RMST: variants seen among roughly 807,000 people sequenced by gnomAD.
The protein encoded by RMST is rhabdomyosarcoma 2 associated transcript, also known as long intergenic non-protein coding RNA 54.
At chr12:97,463,411 C>G (rs1288261441) in intron 4 of RMST, 1 of 152,322 alleles carries the variant, frequency 6.6e-6, no homozygotes, top group Non-Finnish European at 1.5e-5. Context: ...CTGTCACTTG[C>G]CTGCAAACCT....
intron 11 of RMST, chr12:97,552,015 G>A (rs1285592962): frequency 2.0e-5 from 3 of 152,106 alleles, no homozygotes; most frequent in South Asian, 2.1e-4. Flanking sequence ...GTAAGAAATC[G>A]CTAAATTATT....
chr12:97,558,312 T>C (rs1043318861), intron 11 of RMST, among the ~76,000 whole-genome samples: 1 of 152,176 alleles, frequency 6.6e-6, no homozygotes, highest in Non-Finnish European at 1.5e-5. Context: ...CGATGGCTTA[T>C]TTATCATCAC....
chr12:97,535,819 G>A (rs1882030111), intron 11 of RMST, among the ~76,000 whole-genome samples: 1 of 151,526 alleles, frequency 6.6e-6, no homozygotes, highest in African/African-American at 2.4e-5. Context: ...TGAGAAGAGG[G>A]AGTTTAGAGT....
chr12:97,488,068 A>C (rs1464368342), intron 5 of RMST, among the ~76,000 whole-genome samples: 1 of 152,202 alleles, frequency 6.6e-6, no homozygotes, highest in Non-Finnish European at 1.5e-5. Flanking sequence ...CTGGAGACTG[A>C]TGATAGCTAT....
chr12:97,508,091 T>A (rs1330487525), intron 10 of RMST, among the ~76,000 whole-genome samples: 1 of 152,082 alleles, frequency 6.6e-6, no homozygotes, highest in Non-Finnish European at 1.5e-5. Context: ...TATGATTACC[T>A]CAGAGAGAGT....
chr12:97,529,358 T>A (rs932237571), intron 10 of RMST, among the ~76,000 whole-genome samples: 1 of 152,098 alleles, frequency 6.6e-6, no homozygotes, highest in Non-Finnish European at 1.5e-5. Context: ...TTAGGATATG[T>A]GTCATGAATT....
chr12:97,530,534 C>T (rs1881534751), intron 10 of RMST: 2 of 152,050 alleles, frequency 1.3e-5, no homozygotes, highest in Non-Finnish European at 2.9e-5. Flanking sequence ...CTAAATGTGA[C>T]AGTCGATGGC....
intron 11 of RMST, among the ~76,000 whole-genome samples, chr12:97,551,542 T>C (rs1883312115): frequency 6.6e-6 from 1 of 152,192 alleles, no homozygotes; most frequent in African/African-American, 2.4e-5. Context: ...CACTCTTCGC[T>C]GAATAAGTGT....
intron 11 of RMST, among the ~76,000 whole-genome samples, chr12:97,539,535 G>T (rs1197402550): frequency 6.6e-6 from 1 of 151,570 alleles, no homozygotes; most frequent in Non-Finnish European, 1.5e-5. Flanking sequence ...GACAAAGGAA[G>T]AAAATTCCTT....
intron 10 of RMST, among the ~76,000 whole-genome samples, chr12:97,518,582 C>T (rs1482971924): frequency 6.6e-6 from 1 of 152,072 alleles, no homozygotes; most frequent in Non-Finnish European, 1.5e-5. Context: ...GGTCTGATAA[C>T]CTGAGTTTTC....
chr12:97,501,342 AT>A (rs1420593630), intron 10 of RMST, among the ~76,000 whole-genome samples: 1 of 152,244 alleles, frequency 6.6e-6, no homozygotes, highest in Non-Finnish European at 1.5e-5. Flanking sequence ...ACCCACAGGA[AT>A]TAAATTAATT....
At chr12:97,517,447 CT>C (rs1565929581) in intron 10 of RMST, among the ~76,000 whole-genome samples, 1 of 151,848 alleles carries the variant, frequency 6.6e-6, no homozygotes, top group Non-Finnish European at 1.5e-5. Context: ...ATCTTCACTT[CT>C]TTTTCCATTC....
chr12:97,491,115 G>A (rs371998345), intron 5 of RMST, among the ~76,000 whole-genome samples: 5 of 152,296 alleles, frequency 3.3e-5, no homozygotes, highest in African/African-American at 1.2e-4. Flanking sequence ...TTTCTTCGAT[G>A]AATCGAAATG....
chr12:97,481,985 T>C (rs2136422642), intron 5 of RMST, among the ~76,000 whole-genome samples: 1 of 152,324 alleles, frequency 6.6e-6, no homozygotes, highest in Non-Finnish European at 1.5e-5. Context: ...TGTAAAGCCA[T>C]TCTATTTTTA....
intron 5 of RMST, among the ~76,000 whole-genome samples, chr12:97,488,034 G>C: frequency 6.6e-6 from 1 of 152,128 alleles, no homozygotes; most frequent in East Asian, 1.9e-4. Flanking sequence ...CTGTCTCTGG[G>C]ACATGCCATC....
intron 5 of RMST, among the ~76,000 whole-genome samples, chr12:97,481,900 T>A (rs1328580532): frequency 6.6e-6 from 1 of 152,168 alleles, no homozygotes; most frequent in Non-Finnish European, 1.5e-5. Flanking sequence ...TCTTTCCACA[T>A]CCATCTCGAA....
intron 5 of RMST, among the ~76,000 whole-genome samples, chr12:97,474,280 G>A (rs571381859): frequency 9.9e-5 from 15 of 152,150 alleles, no homozygotes; most frequent in East Asian, 9.7e-4. Flanking sequence ...AGCAAGGTTC[G>A]CCATCCACTT....
At chr12:97,513,452 T>C (rs1380037120) in intron 10 of RMST, among the ~76,000 whole-genome samples, 1 of 152,214 alleles carries the variant, frequency 6.6e-6, no homozygotes, top group African/African-American at 2.4e-5. Context: ...TAAATATTTA[T>C]TGAGTAGAGT....
intron 11 of RMST, among the ~76,000 whole-genome samples, chr12:97,558,462 A>G (rs1048791350): frequency 6.6e-6 from 1 of 152,228 alleles, no homozygotes; most frequent in Non-Finnish European, 1.5e-5. Context: ...GGCAGAAAGA[A>G]TGAATTGAGG....
Sources: gnomAD v4.1 joint callset for allele counts (sites outside exome capture counted in the v4.1 genomes callset) on GRCh38, gnomAD v4.1.1 for gene constraint, MANE v1.5 for transcripts, NCBI Gene and HGNC (gene_info 2026-07-23, HGNC 2026-07-21) for gene names.